Variants in SV2C observed in about 807,000 individuals in gnomAD.
SV2C encodes the protein synaptic vesicle glycoprotein 2C, also known as solute carrier family 22 member B3.
Under a neutral mutation model 79.7 loss-of-function variants are expected in SV2C, and 49 were observed. That is an observed-to-expected ratio of 0.61 (90% CI 0.49 to 0.78). SV2C has a LOEUF of 0.78. SV2C is among the 30% of genes least tolerant of loss of function. The pLI is 0.00. For missense variants in SV2C, 833 were observed against 912.9 expected, an observed-to-expected ratio of 0.91 and a Z score of 1.13; for synonymous variants, 334 against 333.2, an observed-to-expected ratio of 1.00 and a Z score of -0.03.
At chr5:75,976,057 G>A in the SV2C span, among the ~76,000 whole-genome samples, 1 of 152,166 alleles carries the variant, frequency 6.6e-6, no homozygotes, top group African/African-American at 2.4e-5. Context: ...TTTGAAGACT[G>A]CCTTTGAATG....
At chr5:75,975,747 G>C in the SV2C span, among the ~76,000 whole-genome samples, 1 of 152,160 alleles carries the variant, frequency 6.6e-6, no homozygotes, top group Non-Finnish European at 1.5e-5. Flanking sequence ...ATAGAGATGG[G>C]ATTAGAGTGT....
Position 76,132,196 on chromosome 5 carries a change from G to T in SV2C, c.446G>T (p.Arg149Leu). ...ELIIQECGHG[R>L]FQWALFFVLG... is the part of the protein sequence containing the mutation. ...ATAATCCAAGAATGCGGTCATGGTCGTTTTCAGTGGGCCCTTTTCTTCGTC... is the reference window on the plus strand; with the variant it reads ...ATAATCCAAGAATGCGGTCATGGTCTTTTTCAGTGGGCCCTTTTCTTCGTC... Residue 149 changes from arginine (R) to leucine (L), a missense_variant, in exon 2 of 13, where the codon CGT (arginine) becomes CTT (leucine). Physicochemically the swap from Arg to Leu is moderately radical, Grantham distance 102. Coordinates refer to ENST00000502798, the MANE Select transcript of SV2C (RefSeq NM_014979.4). The T allele has an allele frequency of 1.2e-6, 2 of 1,614,140 alleles. No homozygotes were observed. Among genetic ancestry groups the T allele is most frequent in the East Asian group, 2.2e-5 (1 of 44,870 alleles).
intron 12 of SV2C, among the ~76,000 whole-genome samples, chr5:76,304,049 G>T (rs1401857776): frequency 6.6e-6 from 1 of 152,224 alleles, no homozygotes; most frequent in Non-Finnish European, 1.5e-5. Context: ...GCAGCCTGCA[G>T]TAATAGTCCT....
chr5:75,940,449 G>A, the SV2C span, among the ~76,000 whole-genome samples: 1 of 101,376 alleles, frequency 9.9e-6, no homozygotes, highest in Non-Finnish European at 2.0e-5. Flanking sequence ...GTGCAGTCAG[G>A]TTTTGTTCTT....
At chr5:76,275,854 G>A (rs899252538) in intron 4 of SV2C, among the ~76,000 whole-genome samples, 6 of 152,174 alleles carry the variant, frequency 3.9e-5, no homozygotes, top group African/African-American at 7.2e-5. Context: ...TAAATTCCTC[G>A]GTATGACATT....
At chr5:76,268,829 G>A (rs1004529083) in intron 4 of SV2C, among the ~76,000 whole-genome samples, 2 of 152,156 alleles carry the variant, frequency 1.3e-5, no homozygotes, top group Non-Finnish European at 2.9e-5. Flanking sequence ...TGCATAAAAA[G>A]AGTATGGGAA....
At chr5:76,148,797 C>A (rs1475396185) in intron 2 of SV2C, among the ~76,000 whole-genome samples, 1 of 152,154 alleles carries the variant, frequency 6.6e-6, no homozygotes, top group Non-Finnish European at 1.5e-5. Context: ...GGCTTTTGTC[C>A]CCACAGCCTA....
intron 2 of SV2C, among the ~76,000 whole-genome samples, chr5:76,173,187 G>T (rs1743383901): frequency 6.7e-6 from 1 of 149,128 alleles, no homozygotes; most frequent in South Asian, 2.1e-4. Flanking sequence ...TATCAAAGAA[G>T]CGAAGTTATC....
At chr5:76,271,616 C>CTTTTTTTGTTT (rs1746862538) in intron 4 of SV2C, among the ~76,000 whole-genome samples, 1 of 96,062 alleles carries the variant, frequency 1.0e-5, no homozygotes, top group African/African-American at 3.9e-5. Flanking sequence ...AGCATGTGTT[C>CTTTTTTTGTTT]TTTTTTTTTT....
chr5:75,940,248 G>C, the SV2C span, among the ~76,000 whole-genome samples: 1 of 152,008 alleles, frequency 6.6e-6, no homozygotes, highest in Non-Finnish European at 1.5e-5. Flanking sequence ...CCTGTAGTCC[G>C]GGCTACTTGG....
intron 1 of SV2C, among the ~76,000 whole-genome samples, chr5:76,130,644 G>A (rs1322840752): frequency 6.6e-6 from 1 of 152,106 alleles, no homozygotes; most frequent in Non-Finnish European, 1.5e-5. Flanking sequence ...GCAGCTGAGT[G>A]GACAAATGGA....
the SV2C span, among the ~76,000 whole-genome samples, chr5:75,853,607 C>CAAAAAAAAAAAA: frequency 2.5e-4 from 7 of 28,464 alleles, no homozygotes; most frequent in African/African-American, 8.0e-4. Flanking sequence ...GACTCCGTCT[C>CAAAAAAAAAAAA]AAAAAAAAAA....
the SV2C span, among the ~76,000 whole-genome samples, chr5:75,994,376 C>G: frequency 1.1e-4 from 16 of 152,054 alleles, no homozygotes; most frequent in African/African-American, 1.7e-4. Flanking sequence ...ATTTGAGGAA[C>G]TCACAGAGCT....
chr5:75,976,779 A>T, the SV2C span, among the ~76,000 whole-genome samples: 10 of 152,220 alleles, frequency 6.6e-5, no homozygotes, highest in African/African-American at 2.4e-4. Flanking sequence ...GATATGCTCA[A>T]TTGTTACCTA....
At chr5:76,084,329 G>A (rs970578239) in intron 1 of SV2C, 1 of 152,324 alleles carries the variant, frequency 6.6e-6, no homozygotes, top group Non-Finnish European at 1.5e-5. Flanking sequence ...CTTAGATGGC[G>A]ATGAGGGCAG....
chr5:76,240,914 T>A (rs1490731682), intron 4 of SV2C, among the ~76,000 whole-genome samples: 1 of 152,224 alleles, frequency 6.6e-6, no homozygotes, highest in Non-Finnish European at 1.5e-5. Context: ...TATCATTGAT[T>A]AGATCCACTA....
intron 4 of SV2C, among the ~76,000 whole-genome samples, chr5:76,276,383 A>G (rs1277702173): frequency 1.3e-5 from 2 of 152,202 alleles, no homozygotes; most frequent in African/African-American, 4.8e-5. Flanking sequence ...GGGACATGCC[A>G]CAAGGCAGGA....
chr5:75,901,921 C>T, the SV2C span, among the ~76,000 whole-genome samples: 1 of 152,188 alleles, frequency 6.6e-6, no homozygotes, highest in African/African-American at 2.4e-5. Flanking sequence ...TCTGGTGCGC[C>T]ATTTTTTAAG....
At chr5:75,906,635 C>G in the SV2C span, among the ~76,000 whole-genome samples, 3 of 152,156 alleles carry the variant, frequency 2.0e-5, no homozygotes, top group Non-Finnish European at 4.4e-5. Context: ...ATTATTAGGT[C>G]TCTTTCTCCA....
Sources: allele counts gnomAD v4.1 joint callset (sites outside exome capture counted in the v4.1 genomes callset), GRCh38; gene constraint gnomAD v4.1.1; transcripts MANE v1.5; gene names NCBI Gene and HGNC (gene_info 2026-07-23, HGNC 2026-07-21).